Variants in NELL2 observed in about 807,000 individuals in gnomAD.
NELL2 encodes protein kinase C-binding protein NELL2.
A neutral mutation model predicts 109.6 loss-of-function variants in NELL2; 41 were observed. The ratio of observed to expected loss-of-function variants is 0.37; its 90% CI spans 0.29 to 0.49. The LOEUF (loss-of-function observed/expected upper bound fraction) is 0.49, where lower values mean the gene tolerates loss of function less well. Among genes scored for constraint, NELL2 ranks in the 20% least tolerant of loss-of-function variants. The pLI is 0.98. For synonymous variants in NELL2, 355 were observed against 344.7 expected (o/e 1.03, Z -0.33); for missense variants, 900 against 1,008.3 (o/e 0.89, Z 1.45).
chr12:44,510,851 G>T (rs1226610895), intron 19 of NELL2, among the ~76,000 whole-genome samples: 1 of 152,120 alleles, frequency 6.6e-6, no homozygotes, highest in African/African-American at 2.4e-5. Context: ...TCTGACAAAG[G>T]CCACTCTGAG....
chr12:44,677,210 A>G (rs370996556), intron 12 of NELL2, among the ~76,000 whole-genome samples: 1 of 152,182 alleles, frequency 6.6e-6, no homozygotes, highest in Non-Finnish European at 1.5e-5. Flanking sequence ...AAAGTACTCA[A>G]TGCACCTAAT....
chr12:44,524,576 A>G lies in NELL2; in HGVS notation c.1805-1092T>C, dbSNP rs533208433. ...TTTCAAATGGTTGGACTTCAACATT[A>G]ACTGAAGACTTGGACTAGTAAAAAC... On this transcript the variant is annotated intron_variant, in intron 16 of 19. Transcript: ENST00000429094. Among the ~76,000 whole-genome samples the G allele has an allele frequency of 8.5e-5, 13 of 152,352 alleles. No individual in the cohort carries two copies. In the East Asian group the frequency reaches 2.3e-3, roughly 27 times the overall value.
chr12:44,817,784 A>AAAAC (rs1263724802), intron 2 of NELL2, among the ~76,000 whole-genome samples: 2 of 152,124 alleles, frequency 1.3e-5, no homozygotes, highest in South Asian at 2.1e-4. Context: ...AAAACAAAAT[A>AAAAC]AAACAAACAA....
chr12:44,887,327 G>T (rs538001110), intron 1 of NELL2, among the ~76,000 whole-genome samples: 9 of 151,926 alleles, frequency 5.9e-5, no homozygotes, highest in East Asian at 1.9e-4. Flanking sequence ...CTTATTTTTG[G>T]TTTTTTGAGA....
intron 9 of NELL2, among the ~76,000 whole-genome samples, chr12:44,749,490 AAGCAGGTGTC>A (rs1293593422): frequency 6.6e-6 from 1 of 152,150 alleles, no homozygotes; most frequent in Non-Finnish European, 1.5e-5. Flanking sequence ...TGCAGCACTG[AAGCAGGTGTC>A]AGATGACACC....
intron 16 of NELL2, among the ~76,000 whole-genome samples, chr12:44,527,755 A>G (rs1941850538): frequency 6.6e-6 from 1 of 152,142 alleles, no homozygotes; most frequent in Admixed American, 6.6e-5. Flanking sequence ...TAGAAGTATT[A>G]TTTTTATCTT....
At chr12:44,835,218 G>A (rs1473638654) in intron 2 of NELL2, among the ~76,000 whole-genome samples, 1 of 152,176 alleles carries the variant, frequency 6.6e-6, no homozygotes. Flanking sequence ...CCCTGCCTCT[G>A]TGTGGTACTG....
rs527553786 is a variant in NELL2, at chr12:44,802,696, AG to A, written c.335+13289del. On this transcript the variant is annotated intron_variant, in intron 3 of 19. Coordinates refer to ENST00000429094, the MANE Select transcript of NELL2 (RefSeq NM_001145108.2). ...TGCATTGGAAATAATACGTAAAAAA[AG>A]TTTGTGTTACCATTTTTTAGGAATA... Among the ~76,000 whole-genome samples, 962 of 152,232 alleles carry A rather than the reference AG, an allele frequency of 6.3e-3. 9 individuals carry two copies. The highest frequency in any genetic ancestry group is 0.022 in the African/African-American group (905 of 41,576).
At chr12:44,574,070 T>C (rs111479722) in intron 15 of NELL2, among the ~76,000 whole-genome samples, 10 of 151,828 alleles carry the variant, frequency 6.6e-5, no homozygotes, top group Admixed American at 6.6e-4. Context: ...ATTTTATTTT[T>C]ATTTTTTTTT....
chr12:44,791,096 T>TATATATATATAC lies in NELL2; in HGVS notation c.336-11075_336-11074insGTATATATATAT. Among the ~76,000 whole-genome samples the TATATATATATAC allele has an allele frequency of 3.2e-3, 76 of 23,864 alleles. 4 individuals are homozygous for TATATATATATAC. Among genetic ancestry groups the TATATATATATAC allele is most frequent in the African/African-American group, 8.1e-3 (67 of 8,242 alleles). The allele number at this position is 23,864 out of a possible 152,430, so 15.7% of individuals were successfully genotyped here. A position where few individuals can be genotyped will look rare whatever the true frequency, so the allele number is the denominator to read the frequency against. On this transcript the variant is annotated intron_variant, in intron 3 of 19. Transcript: ENST00000429094. ...ATATATATATACATATATATATATA[T>TATATATATATAC]GTATATATATATGTATATATATATG...
chr12:44,836,126 G>C (rs548222764), intron 2 of NELL2, among the ~76,000 whole-genome samples: 3 of 152,298 alleles, frequency 2.0e-5, no homozygotes, highest in Admixed American at 6.5e-5. Flanking sequence ...AGAATTGCAA[G>C]GCTGAGAGGA....
chr12:44,824,401 A>C (rs1264184253), intron 2 of NELL2, among the ~76,000 whole-genome samples: 1 of 152,160 alleles, frequency 6.6e-6, no homozygotes, highest in Non-Finnish European at 1.5e-5. Flanking sequence ...TTAAGTCTTT[A>C]ATCCATTTGG....
chr12:44,889,892 T>C (rs1331947068), intron 1 of NELL2, among the ~76,000 whole-genome samples: 1 of 152,214 alleles, frequency 6.6e-6, no homozygotes, highest in Non-Finnish European at 1.5e-5. Context: ...ACTCATCACA[T>C]AATTATTGCT....
At chr12:44,892,746 C>G (rs1461670117) in intron 1 of NELL2, among the ~76,000 whole-genome samples, 12 of 140,274 alleles carry the variant, frequency 8.6e-5, no homozygotes, top group South Asian at 2.3e-4. Flanking sequence ...TGCAGTGAGC[C>G]GAGATCGCAC....
At chr12:44,815,635 T>C (rs1457228221) in intron 3 of NELL2, among the ~76,000 whole-genome samples, 1 of 152,248 alleles carries the variant, frequency 6.6e-6, no homozygotes, top group Non-Finnish European at 1.5e-5. Flanking sequence ...TGTGTTGTTG[T>C]TGAGACGGAG....
chr12:44,682,947 T>A (rs572858600), intron 12 of NELL2, among the ~76,000 whole-genome samples: 1 of 152,352 alleles, frequency 6.6e-6, no homozygotes, highest in East Asian at 1.9e-4. Context: ...TTTTTCCAAT[T>A]CTTTGAAGAA....
At chr12:44,814,616 C>T (rs1473424014) in intron 3 of NELL2, among the ~76,000 whole-genome samples, 2 of 152,122 alleles carry the variant, frequency 1.3e-5, no homozygotes, top group East Asian at 1.9e-4. Context: ...TAGGATGGCA[C>T]CCTCCCCTCA....
intron 1 of NELL2, chr12:44,875,611 T>A: frequency 6.2e-7 from 1 of 1,612,270 alleles, no homozygotes; most frequent in Non-Finnish European, 8.5e-7. Flanking sequence ...CCTCCGACCC[T>A]GGACTAGGGG....
At chr12:44,527,346 G>A (rs924928177) in intron 16 of NELL2, among the ~76,000 whole-genome samples, 3 of 152,146 alleles carry the variant, frequency 2.0e-5, no homozygotes, top group Non-Finnish European at 2.9e-5. Context: ...CTCAGACAGA[G>A]ACAAAATTTT....
Sources: gnomAD v4.1 joint callset for allele counts (sites outside exome capture counted in the v4.1 genomes callset) on GRCh38, gnomAD v4.1.1 for gene constraint, MANE v1.5 for transcripts, NCBI Gene and HGNC (gene_info 2026-07-23, HGNC 2026-07-21) for gene names.